Variants in SCFD2 observed in about 807,000 individuals in gnomAD.
The protein encoded by SCFD2 is sec1 family domain containing 2.
Under a neutral mutation model 58.9 loss-of-function variants are expected in SCFD2, and 54 were observed. The ratio of observed to expected loss-of-function variants is 0.92; its 90% CI spans 0.74 to 1.15. The LOEUF is 1.15. Ranked by LOEUF, SCFD2 falls within the 50% of genes most tolerant of loss-of-function variation. SCFD2 has a pLI of 0.00. For missense variants in SCFD2, 805 were observed against 836.6 expected, an observed-to-expected ratio of 0.96 and a Z score of 0.47; for synonymous variants, 321 against 335.9, an observed-to-expected ratio of 0.96 and a Z score of 0.49.
intron 5 of SCFD2, among the ~76,000 whole-genome samples, chr4:52,979,785 T>A (rs1034169054): frequency 2.6e-5 from 4 of 152,170 alleles, no homozygotes; most frequent in African/African-American, 7.2e-5. Context: ...CATAAAATAA[T>A]CCGAGTTGAT....
At chr4:52,969,256 G>T (rs1428317384) in intron 5 of SCFD2, among the ~76,000 whole-genome samples, 1 of 152,200 alleles carries the variant, frequency 6.6e-6, no homozygotes, top group South Asian at 2.1e-4. Context: ...TATTGTGGTG[G>T]TCTGTATAGC....
chr4:53,058,174 G>T (rs1723400771), intron 5 of SCFD2, among the ~76,000 whole-genome samples: 1 of 151,984 alleles, frequency 6.6e-6, no homozygotes, highest in South Asian at 2.1e-4. Flanking sequence ...TAAGGCAGAG[G>T]TGATAATTTT....
intron 4 of SCFD2, among the ~76,000 whole-genome samples, chr4:53,259,361 G>GT (rs1433812849): frequency 2.0e-5 from 3 of 152,078 alleles, no homozygotes; most frequent in African/African-American, 7.2e-5. Context: ...GGTCATAGAT[G>GT]TAAGTCTTTG....
chr4:53,108,961 T>C (rs1254523966), intron 5 of SCFD2, among the ~76,000 whole-genome samples: 1 of 151,504 alleles, frequency 6.6e-6, no homozygotes, highest in African/African-American at 2.4e-5. Context: ...GATGAGAAAA[T>C]CCTCAATAAA....
chr4:53,109,408 G>C (rs1347806647), intron 5 of SCFD2, among the ~76,000 whole-genome samples: 1 of 152,172 alleles, frequency 6.6e-6, no homozygotes, highest in Non-Finnish European at 1.5e-5. Context: ...ATTCAAATAG[G>C]AAGAGAGGAA....
intron 2 of SCFD2, among the ~76,000 whole-genome samples, chr4:53,336,944 G>T (rs1308127332): frequency 6.6e-6 from 1 of 152,168 alleles, no homozygotes; most frequent in Admixed American, 6.5e-5. Context: ...GAGAAAATGT[G>T]CTCAGTATCA....
At chr4:53,304,646 G>A (rs1293621086) in intron 3 of SCFD2, among the ~76,000 whole-genome samples, 1 of 151,786 alleles carries the variant, frequency 6.6e-6, no homozygotes, top group East Asian at 1.9e-4. Flanking sequence ...GCTTCATGAA[G>A]TTCTCGTGCT....
chr4:53,283,827 A>G (rs1577929583), intron 3 of SCFD2, among the ~76,000 whole-genome samples: 1 of 152,038 alleles, frequency 6.6e-6, no homozygotes, highest in Admixed American at 6.6e-5. Context: ...ATTTTAAAAT[A>G]TGCATGTAGG....
intron 4 of SCFD2, among the ~76,000 whole-genome samples, chr4:53,249,802 A>C (rs528136143): frequency 2.0e-5 from 3 of 152,358 alleles, no homozygotes; most frequent in Admixed American, 6.5e-5. Context: ...TGAAGGAAGC[A>C]CTAAACATGG....
At chr4:53,346,600 TACTC>T (rs1327141256) in intron 2 of SCFD2, among the ~76,000 whole-genome samples, 7 of 152,184 alleles carry the variant, frequency 4.6e-5, no homozygotes, top group Non-Finnish European at 8.8e-5. Flanking sequence ...TGTTACAACT[TACTC>T]AATCATTTAT....
At chr4:53,126,818 G>T (rs1229677378) in intron 5 of SCFD2, among the ~76,000 whole-genome samples, 2 of 152,020 alleles carry the variant, frequency 1.3e-5, no homozygotes, top group Non-Finnish European at 2.9e-5. Flanking sequence ...CTTTCTCCCT[G>T]AGTTCCTCCC....
intron 5 of SCFD2, among the ~76,000 whole-genome samples, chr4:52,979,041 G>A (rs959022138): frequency 4.8e-5 from 7 of 147,208 alleles, no homozygotes; most frequent in Non-Finnish European, 1.1e-4. Flanking sequence ...TTACAAGCAT[G>A]AGCCAACACA....
intron 5 of SCFD2, among the ~76,000 whole-genome samples, chr4:52,947,181 C>T (rs1720452992): frequency 6.6e-6 from 1 of 152,164 alleles, no homozygotes; most frequent in Non-Finnish European, 1.5e-5. Context: ...AGCTCACCAT[C>T]AAGAAAAATA....
chr4:53,205,277 C>G (rs4421047), intron 4 of SCFD2, among the ~76,000 whole-genome samples: 17,419 of 152,042 alleles, frequency 0.11, 1,133 homozygotes, highest in East Asian at 0.24. Flanking sequence ...TTGCCACTGT[C>G]CCATTTACCT....
intron 2 of SCFD2, among the ~76,000 whole-genome samples, chr4:53,330,409 C>A (rs1206729955): frequency 6.6e-6 from 1 of 152,072 alleles, no homozygotes; most frequent in Non-Finnish European, 1.5e-5. Context: ...AGCAGAAACC[C>A]TACAAGCCAG....
At chr4:53,243,426 T>G (rs1729962853) in intron 4 of SCFD2, among the ~76,000 whole-genome samples, 1 of 151,990 alleles carries the variant, frequency 6.6e-6, no homozygotes, top group Non-Finnish European at 1.5e-5. Context: ...GACATGCAAA[T>G]GCTGAAAGAA....
chr4:53,184,271 G>A (rs1207521586), intron 4 of SCFD2, among the ~76,000 whole-genome samples: 1 of 152,056 alleles, frequency 6.6e-6, no homozygotes, highest in Non-Finnish European at 1.5e-5. Context: ...TGTGGTCCTG[G>A]AAGTGAGATC....
intron 4 of SCFD2, among the ~76,000 whole-genome samples, chr4:53,179,658 T>C (rs554766488): frequency 2.6e-5 from 4 of 152,172 alleles, no homozygotes; most frequent in Non-Finnish European, 4.4e-5. Flanking sequence ...CAATATTAAC[T>C]TTAAATGTAA....
intron 5 of SCFD2, among the ~76,000 whole-genome samples, chr4:52,965,243 C>A (rs971154675): frequency 6.6e-6 from 1 of 152,110 alleles, no homozygotes; most frequent in South Asian, 2.1e-4. Flanking sequence ...AAAAGCCCCC[C>A]CGCAAAAAAT....
Sources: gnomAD v4.1 joint callset for allele counts (sites outside exome capture counted in the v4.1 genomes callset) on GRCh38, gnomAD v4.1.1 for gene constraint, MANE v1.5 for transcripts, NCBI Gene and HGNC (gene_info 2026-07-23, HGNC 2026-07-21) for gene names.